Variants in ADGRV1 observed in about 807,000 individuals in gnomAD.
The protein encoded by ADGRV1 is G-protein coupled receptor 98.
In ADGRV1, 359 loss-of-function variants were observed where a neutral mutation model predicts 596.2. The ratio of observed to expected loss-of-function variants is 0.60; its 90% CI spans 0.55 to 0.66. The LOEUF is 0.66. Among genes scored for constraint, ADGRV1 ranks in the 30% least tolerant of loss-of-function variants. The probability of loss-of-function intolerance (pLI) is 0.00; values close to 1 mark genes in which losing one functional copy is unlikely to be tolerated. For synonymous variants in ADGRV1, 2,681 were observed against 2,679.2 expected (o/e 1.00, Z -0.02); for missense variants, 7,274 against 7,575.6 (o/e 0.96, Z 1.48).
rs201638039 is a variant in ADGRV1, at chr5:90,923,302, T to C, written c.17857-42113T>C. Among the ~76,000 whole-genome samples, 27 of 152,246 alleles carry C rather than the reference T, an allele frequency of 1.8e-4. No homozygotes were observed. In the East Asian group the frequency reaches 3.7e-3, roughly 21 times the overall value. On this transcript the variant is annotated intron_variant, in intron 83 of 89. Transcript: ENST00000405460. ...AGCCTAATGTATATAAAGGATAATA[T>C]ATATTTTTAAAGTTAGAAATTGCCT...
At chr5:91,082,199 A>T (rs530689107) in intron 86 of ADGRV1, among the ~76,000 whole-genome samples, 1 of 152,310 alleles carries the variant, frequency 6.6e-6, no homozygotes, top group African/African-American at 2.4e-5. Flanking sequence ...ATGCCATACC[A>T]TGTTTGACCC....
chr5:90,597,726 AAG>A (rs1208336357), intron 1 of ADGRV1, among the ~76,000 whole-genome samples: 1 of 152,048 alleles, frequency 6.6e-6, no homozygotes, highest in Non-Finnish European at 1.5e-5. Flanking sequence ...GAGAGAGAGA[AAG>A]AGGGAGAGAG....
intron 1 of ADGRV1, among the ~76,000 whole-genome samples, chr5:90,579,226 T>G (rs1253291308): frequency 1.3e-5 from 2 of 152,226 alleles, no homozygotes; most frequent in Non-Finnish European, 2.9e-5. Flanking sequence ...CTTCCCTGCT[T>G]TCTCTTGTGG....
intron 78 of ADGRV1, among the ~76,000 whole-genome samples, chr5:90,844,832 G>C (rs1319229352): frequency 1.3e-5 from 2 of 152,092 alleles, no homozygotes; most frequent in East Asian, 3.9e-4. Flanking sequence ...GGTTGATTCA[G>C]GTCTTCTACT....
chr5:91,116,849 A>G (rs1792891547), intron 87 of ADGRV1, among the ~76,000 whole-genome samples: 1 of 152,180 alleles, frequency 6.6e-6, no homozygotes, highest in South Asian at 2.1e-4. Flanking sequence ...CCCTAGGTGG[A>G]TAATATTTAA....
Position 90,842,429 on chromosome 5 carries a change from A to T in ADGRV1, c.17019+1444A>T, listed in dbSNP as rs540296237. On this transcript the variant is annotated intron_variant, in intron 78 of 89. Transcript: ENST00000405460. The stretch of plus-strand genomic sequence containing the variant: ...AATATATTTTAAATGTTATAAAAAT[A>T]TTGTAATATTGTAAAATATTGCCTG... Among the ~76,000 whole-genome samples the T allele has an allele frequency of 3.9e-5, 6 of 152,318 alleles. No homozygotes were observed. The South Asian group carries it at 1.2e-3, about 32-fold the overall frequency.
intron 83 of ADGRV1, among the ~76,000 whole-genome samples, chr5:90,904,010 A>G (rs1442064029): frequency 6.6e-6 from 1 of 152,058 alleles, no homozygotes; most frequent in Non-Finnish European, 1.5e-5. Flanking sequence ...TAGGGAGAAC[A>G]TGTGATCTTT....
At chr5:90,682,792 C>G (rs902163971) in intron 27 of ADGRV1, among the ~76,000 whole-genome samples, 3 of 152,152 alleles carry the variant, frequency 2.0e-5, no homozygotes, top group Non-Finnish European at 4.4e-5. Flanking sequence ...AAAAATTACT[C>G]TTAGTTGGGA....
intron 33 of ADGRV1, among the ~76,000 whole-genome samples, chr5:90,695,787 A>T (rs1297554678): frequency 6.6e-6 from 1 of 152,116 alleles, no homozygotes; most frequent in African/African-American, 2.4e-5. Context: ...TTAGTGGGAT[A>T]TGATATGCTT....
chr5:90,729,078 C>T (rs1221215609), intron 49 of ADGRV1, 145 bp downstream of exon 49: 2 of 605,042 alleles, frequency 3.3e-6, no homozygotes, highest in African/African-American at 1.9e-5. Flanking sequence ...TAATTGTCAG[C>T]TGTAAATGGA....
chr5:90,934,424 T>G (rs762284164), intron 83 of ADGRV1, among the ~76,000 whole-genome samples: 7 of 152,190 alleles, frequency 4.6e-5, no homozygotes, highest in Non-Finnish European at 1.0e-4. Flanking sequence ...CCCTTCTAAG[T>G]CTAATAAAAT....
intron 29 of ADGRV1, among the ~76,000 whole-genome samples, chr5:90,688,842 C>T (rs73193228): frequency 0.034 from 5,203 of 152,272 alleles, 173 homozygotes; most frequent in African/African-American, 0.09. Context: ...TGGGCAGCTA[C>T]ATGCTTTCAG....
At position 90,653,653 on chromosome 5, in the gene ADGRV1, G is replaced by C. The variant is rs375916787; in HGVS notation, c.4079G>C (p.Trp1360Ser). The C allele has an allele frequency of 1.9e-6, 3 of 1,613,192 alleles. No homozygotes were observed. The highest frequency in any genetic ancestry group is 1.3e-5 in the African/African-American group (1 of 74,888). The change falls in exon 20 of 90, where the codon TGG becomes TCG. Residue 1360 changes from tryptophan to serine, a missense_variant. Coordinates refer to ENST00000405460, the MANE Select transcript of ADGRV1 (RefSeq NM_032119.4). The stretch of plus-strand genomic sequence containing the variant: ...ATTGCCAACTTTACATTCTCAGCTT[G>C]GGTAATGCCCAATGCCAATACGAAT... The part of the protein sequence containing the change: ...NTIANFTFSA[W>S]VMPNANTNGF...
rs1186636688 is a variant in ADGRV1, at chr5:90,641,654, C to G, written c.2241-982C>G. Among the ~76,000 whole-genome samples, 3 of 152,148 alleles carry G rather than the reference C, an allele frequency of 2.0e-5. No individual in the cohort carries two copies. In the East Asian group the frequency reaches 5.8e-4, roughly 29 times the overall value. ...TAAAAACTAGGGAAGGATGACAATTCAGATTCTCTGTTAAATAGGAAGTGA... is the reference window on the plus strand; with the variant it reads ...TAAAAACTAGGGAAGGATGACAATTGAGATTCTCTGTTAAATAGGAAGTGA... On this transcript the variant is annotated intron_variant, in intron 11 of 89. Transcript: ENST00000405460.
At chr5:91,056,904 A>G (rs958234443) in intron 85 of ADGRV1, among the ~76,000 whole-genome samples, 7 of 152,268 alleles carry the variant, frequency 4.6e-5, no homozygotes, top group South Asian at 2.1e-4. Flanking sequence ...CATAATCTCC[A>G]TAGTCTAAAA....
At chr5:91,102,013 C>T (rs531113232) in intron 86 of ADGRV1, among the ~76,000 whole-genome samples, 1 of 152,256 alleles carries the variant, frequency 6.6e-6, no homozygotes, top group African/African-American at 2.4e-5. Flanking sequence ...CCCCAGCCAT[C>T]CCTGGGCCTA....
chr5:90,661,010 T>G (rs1385000256), intron 21 of ADGRV1, among the ~76,000 whole-genome samples: 1 of 152,188 alleles, frequency 6.6e-6, no homozygotes, highest in Non-Finnish European at 1.5e-5. Context: ...TGAAGCAGTT[T>G]AGGGTCCTGG....
chr5:90,658,548 C>T lies in ADGRV1; in HGVS notation c.4752+270C>T, dbSNP rs532389590. Among the ~76,000 whole-genome samples, 6 of 152,224 alleles carry T rather than the reference C, an allele frequency of 3.9e-5. No homozygotes were observed. In the East Asian group the frequency reaches 5.8e-4, roughly 15 times the overall value. On this transcript the variant is annotated intron_variant, in intron 21 of 89. Coordinates refer to ENST00000405460, the MANE Select transcript of ADGRV1 (RefSeq NM_032119.4). The stretch of plus-strand genomic sequence containing the variant: ...CTGAAAGTTAATGCTCTTCAAAGAA[C>T]GTATGTGTATACTCTACCTATTTAT...
At chr5:90,987,666 A>C (rs369809879) in intron 85 of ADGRV1, among the ~76,000 whole-genome samples, 1 of 151,990 alleles carries the variant, frequency 6.6e-6, no homozygotes, top group East Asian at 1.9e-4. Context: ...AAAATATTGT[A>C]TACTTATATC....
Sources: gnomAD v4.1 joint callset for allele counts (sites outside exome capture counted in the v4.1 genomes callset) on GRCh38, gnomAD v4.1.1 for gene constraint, MANE v1.5 for transcripts, NCBI Gene and HGNC (gene_info 2026-07-23, HGNC 2026-07-21) for gene names.